QTGAL: variants seen among roughly 807,000 people sequenced by gnomAD.
QTGAL encodes queuosine-tRNA galactosyltransferase, also known as BGnT-like protein 1.
chr17:83,032,072 G>C, the QTGAL span, among the ~76,000 whole-genome samples: 1 of 152,116 alleles, frequency 6.6e-6, no homozygotes, highest in Non-Finnish European at 1.5e-5. Context: ...CCGAACTCGG[G>C]AGCTGAACAA....
the QTGAL span, chr17:82,961,214 G>A: frequency 6.3e-7 from 1 of 1,595,278 alleles, no homozygotes; most frequent in South Asian, 1.1e-5. Context: ...GCATCACTGG[G>A]GCCCCAGAAA....
chr17:82,963,306 G>A, the QTGAL span, among the ~76,000 whole-genome samples: 11 of 152,118 alleles, frequency 7.2e-5, no homozygotes, highest in African/African-American at 2.2e-4. Flanking sequence ...CGTCCCCAGC[G>A]CCACCCGCCC....
chr17:82,983,303 T>C, the QTGAL span, among the ~76,000 whole-genome samples: 4 of 152,220 alleles, frequency 2.6e-5, no homozygotes, highest in African/African-American at 7.2e-5. Flanking sequence ...GTTTTAGTTC[T>C]GCAATTTTTA....
chr17:82,958,103 A>G, the QTGAL span, among the ~76,000 whole-genome samples: 13 of 141,430 alleles, frequency 9.2e-5, no homozygotes, highest in Admixed American at 9.0e-4. Context: ...GCCCCTCCCC[A>G]CGTGCCCCAT....
chr17:83,020,736 A>C, the QTGAL span, among the ~76,000 whole-genome samples: 2 of 152,202 alleles, frequency 1.3e-5, no homozygotes, highest in Non-Finnish European at 2.9e-5. Context: ...GCAGTTGGGG[A>C]GAGGCCACGG....
chr17:82,950,362 C>T, the QTGAL span, among the ~76,000 whole-genome samples: 6 of 152,132 alleles, frequency 3.9e-5, no homozygotes, highest in East Asian at 3.9e-4. Context: ...TGACATATTG[C>T]GAGAATTACC....
At chr17:82,992,092 G>A in the QTGAL span, among the ~76,000 whole-genome samples, 1 of 152,094 alleles carries the variant, frequency 6.6e-6, no homozygotes, top group Non-Finnish European at 1.5e-5. Context: ...GCAAATCTAA[G>A]AGTTATTGGC....
chr17:83,041,691 C>T, the QTGAL span, among the ~76,000 whole-genome samples: 1 of 152,222 alleles, frequency 6.6e-6, no homozygotes, highest in Non-Finnish European at 1.5e-5. Context: ...GGAGCTGTGA[C>T]TCATGGCCAC....
the QTGAL span, among the ~76,000 whole-genome samples, chr17:82,997,929 AAATAT>A: frequency 6.5e-5 from 8 of 123,352 alleles, no homozygotes; most frequent in African/African-American, 2.6e-4. Flanking sequence ...TTAAAAAAAA[AAATAT>A]ATATATATAT....
chr17:83,014,962 C>T, the QTGAL span, among the ~76,000 whole-genome samples: 58 of 152,394 alleles, frequency 3.8e-4, 1 homozygote, highest in Middle Eastern at 3.4e-3. Flanking sequence ...AGCTCCCATG[C>T]ACTGCTGGCT....
At chr17:83,018,006 CCG>C in the QTGAL span, among the ~76,000 whole-genome samples, 1 of 129,478 alleles carries the variant, frequency 7.7e-6, no homozygotes, top group Non-Finnish European at 1.6e-5. Context: ...TCCGTGAACA[CCG>C]TGCGCCTGTA....
At chr17:83,048,974 C>T in the QTGAL span, 250,211 of 585,446 alleles carry the variant, frequency 0.43, 54,184 homozygotes, top group East Asian at 0.54. Context: ...CTGCCTTCTA[C>T]ATGTTTTTGA....
chr17:82,963,142 C>T, the QTGAL span, among the ~76,000 whole-genome samples: 11 of 152,304 alleles, frequency 7.2e-5, no homozygotes, highest in African/African-American at 2.4e-4. Context: ...GAACCATCCT[C>T]GGGCAGCCTT....
chr17:83,047,948 T>C, the QTGAL span, among the ~76,000 whole-genome samples: 1 of 152,106 alleles, frequency 6.6e-6, no homozygotes, highest in Non-Finnish European at 1.5e-5. Flanking sequence ...GGTTCTTTCT[T>C]TTCTTTCTTT....
chr17:82,985,517 G>A, the QTGAL span, among the ~76,000 whole-genome samples: 9 of 152,208 alleles, frequency 5.9e-5, no homozygotes, highest in African/African-American at 1.2e-4. Context: ...CCCTCGATTC[G>A]GAACATGAAT....
chr17:83,037,679 C>A, the QTGAL span, among the ~76,000 whole-genome samples: 2 of 152,056 alleles, frequency 1.3e-5, no homozygotes, highest in African/African-American at 4.8e-5. The surrounding 1 kb of genome is among the most constrained non-coding windows in gnomAD (Gnocchi z 5.2). Context: ...CCGGAAGGGG[C>A]CTTCCACGAG....
chr17:83,034,586 G>C, the QTGAL span, among the ~76,000 whole-genome samples: 1 of 152,150 alleles, frequency 6.6e-6, no homozygotes. Context: ...TGATAAGGTT[G>C]GGCTGTGTCC....
the QTGAL span, chr17:82,956,659 C>T: frequency 6.6e-7 from 1 of 1,520,172 alleles, no homozygotes; most frequent in African/African-American, 1.4e-5. The surrounding 1 kb of genome is among the most constrained non-coding windows in gnomAD (Gnocchi z 5.7). Flanking sequence ...GCCCGGGATC[C>T]CCAAGCCCTT....
the QTGAL span, among the ~76,000 whole-genome samples, chr17:82,966,165 C>T: frequency 2.1e-4 from 32 of 151,282 alleles, no homozygotes; most frequent in Non-Finnish European, 1.8e-4. Context: ...GATCCTCCCA[C>T]CTGAACCTCC....
Sources: allele counts gnomAD v4.1 joint callset (sites outside exome capture counted in the v4.1 genomes callset), GRCh38; gene constraint gnomAD v4.1.1; non-coding constraint Gnocchi (gnomAD v3.1); transcripts MANE v1.5; gene names NCBI Gene and HGNC (gene_info 2026-07-23, HGNC 2026-07-21).